The following MGAT4C variants were observed in gnomAD, a reference collection of about 807,000 sequenced individuals.
MGAT4C encodes MGAT4 family member C.
MGAT4C carries 19 observed loss-of-function variants against 40.1 expected under a neutral mutation model. The observed-to-expected ratio is 0.47, with a 90% confidence interval of 0.33 to 0.70. The LOEUF is 0.70. Ranked by LOEUF, MGAT4C falls within the 30% of genes least tolerant of loss-of-function variation. The pLI is 0.02. For synonymous variants in MGAT4C, 181 were observed against 187.1 expected, an observed-to-expected ratio of 0.97 and a Z score of 0.27; for missense variants, 491 against 563.2, an observed-to-expected ratio of 0.87 and a Z score of 1.30.
chr12:86,074,004 T>C (rs2137045600), intron 1 of MGAT4C, among the ~76,000 whole-genome samples: 1 of 152,034 alleles, frequency 6.6e-6, no homozygotes, highest in East Asian at 1.9e-4. Context: ...TCCCAGAATT[T>C]TCATGTGTCA....
chr12:86,651,999 C>G (rs1355291900), intron 2 of MGAT4C, among the ~76,000 whole-genome samples: 24 of 151,920 alleles, frequency 1.6e-4, no homozygotes. Flanking sequence ...GACACCAAAC[C>G]AGACCAGTCT....
intron 1 of MGAT4C, among the ~76,000 whole-genome samples, chr12:86,185,490 C>T (rs1888658778): frequency 1.3e-5 from 2 of 152,086 alleles, no homozygotes; most frequent in South Asian, 4.1e-4. Context: ...CTTTCAGGTT[C>T]TCTGTAGATA....
chr12:86,818,382 GCA>G (rs1952644415), intron 1 of MGAT4C, among the ~76,000 whole-genome samples: 2 of 151,232 alleles, frequency 1.3e-5, no homozygotes, highest in Non-Finnish European at 3.0e-5. Flanking sequence ...CCATTCTTTT[GCA>G]CAGATTAAAA....
Position 86,466,311 on chromosome 12 carries a change from G to A in MGAT4C, c.-228-31046C>T, listed in dbSNP as rs60418511. On this transcript the variant is annotated intron_variant, in intron 2 of 7. Transcript: ENST00000548651. The stretch of plus-strand genomic sequence containing the variant: ...CTAAGATGACCTTCAGTAGGTTTAT[G>A]GATAGCTATACTGTGGTACATCCAG... 3.3e-3 allele frequency among the ~76,000 whole-genome samples: 499 copies of A among 152,250 alleles called. 3 individuals are homozygous for A. Among genetic ancestry groups the A allele is most frequent in the African/African-American group, 0.012 (478 of 41,550 alleles).
At chr12:86,630,638 C>T (rs1335343373) in intron 2 of MGAT4C, among the ~76,000 whole-genome samples, 2 of 152,078 alleles carry the variant, frequency 1.3e-5, no homozygotes, top group African/African-American at 4.8e-5. Flanking sequence ...ATAAACAGAA[C>T]CAATGATAAA....
intron 1 of MGAT4C, among the ~76,000 whole-genome samples, chr12:86,242,850 T>C (rs1493419): frequency 0.86 from 130,521 of 152,064 alleles, 56,122 homozygotes; most frequent in East Asian, 0.95. Flanking sequence ...TGGGCTCTAA[T>C]GGCTCTTCAG....
chr12:86,584,555 TA>T (rs1417635433), intron 2 of MGAT4C, among the ~76,000 whole-genome samples: 1 of 151,196 alleles, frequency 6.6e-6, no homozygotes, highest in African/African-American at 2.4e-5. Context: ...TTCTTTTACC[TA>T]TTTTGTATTT....
At chr12:86,706,234 T>C (rs1338721465) in intron 2 of MGAT4C, among the ~76,000 whole-genome samples, 1 of 152,156 alleles carries the variant, frequency 6.6e-6, no homozygotes, top group Non-Finnish European at 1.5e-5. Context: ...ACTGGATAAA[T>C]TAAAATATGA....
At chr12:86,832,888 T>G (rs994358412) in intron 1 of MGAT4C, among the ~76,000 whole-genome samples, 2 of 151,694 alleles carry the variant, frequency 1.3e-5, no homozygotes, top group Non-Finnish European at 1.5e-5. Context: ...TGTTTAGTAA[T>G]AGTCTTTACT....
In MGAT4C at chr12:86,609,674, A is replaced by G. The variant is rs867878211; in HGVS notation, c.-229+117535T>C. ...CTGAAAACTCTGTTTACTTAAAGGA[A>G]TGTCCAAAGGAAATTACGAGTTGCG... On this transcript the variant is annotated intron_variant, in intron 2 of 7. Transcript: ENST00000548651. Among the ~76,000 whole-genome samples the G allele has an allele frequency of 3.3e-5, 5 of 152,188 alleles. No individual in the cohort carries two copies. The South Asian group carries it at 1.0e-3, about 32-fold the overall frequency.
intron 1 of MGAT4C, among the ~76,000 whole-genome samples, chr12:86,252,154 T>A (rs1390522228): frequency 1.3e-5 from 2 of 152,024 alleles, no homozygotes; most frequent in African/African-American, 4.8e-5. Flanking sequence ...AAAGGGCACA[T>A]TCGTTTGTCA....
At chr12:86,724,904 C>T (rs1451685177) in intron 2 of MGAT4C, among the ~76,000 whole-genome samples, 1 of 152,102 alleles carries the variant, frequency 6.6e-6, no homozygotes, top group Non-Finnish European at 1.5e-5. Context: ...GTGTTCTTAC[C>T]ACAAAAATGA....
rs1282869976 is a variant in MGAT4C at position 86,582,808 on chromosome 12, C to T, written c.-229+144401G>A. Reference sequence around the variant, plus strand: ...GGGACTTATGTCGACCAAGTGACTCCCAGACTGTATCCAGTAATGGCAATA... The same window carrying T: ...GGGACTTATGTCGACCAAGTGACTCTCAGACTGTATCCAGTAATGGCAATA... On this transcript the variant is annotated intron_variant, in intron 2 of 7. Coordinates refer to the MGAT4C transcript ENST00000548651. Among the ~76,000 whole-genome samples the T allele has an allele frequency of 3.3e-5, 5 of 151,090 alleles. No homozygotes were observed. The Admixed American group carries it at 3.3e-4, about 10-fold the overall frequency.
intron 3 of MGAT4C, among the ~76,000 whole-genome samples, chr12:86,386,874 A>T (rs1433254293): frequency 6.6e-6 from 1 of 152,210 alleles, no homozygotes; most frequent in Non-Finnish European, 1.5e-5. Context: ...GCACAAATAT[A>T]TTCATGCAAA....
At chr12:86,037,143 G>A (rs771862328) in intron 2 of MGAT4C, among the ~76,000 whole-genome samples, 11 of 149,558 alleles carry the variant, frequency 7.4e-5, no homozygotes, top group Admixed American at 2.7e-4. Flanking sequence ...ATATCCCCTC[G>A]ATCATTTTTT....
chr12:86,204,277 A>T (rs1169673519), intron 1 of MGAT4C, among the ~76,000 whole-genome samples: 2 of 152,044 alleles, frequency 1.3e-5, no homozygotes, highest in African/African-American at 2.4e-5. Context: ...AAAGAACAAC[A>T]AAAGGTTATA....
At chr12:85,995,367 G>A (rs890212220) in intron 2 of MGAT4C, among the ~76,000 whole-genome samples, 1 of 152,056 alleles carries the variant, frequency 6.6e-6, no homozygotes, top group Non-Finnish European at 1.5e-5. Context: ...TTCTGCAGAC[G>A]GCTCTTCAAA....
At chr12:86,167,353 G>A (rs1174747614) in intron 1 of MGAT4C, among the ~76,000 whole-genome samples, 1 of 152,164 alleles carries the variant, frequency 6.6e-6, no homozygotes, top group Non-Finnish European at 1.5e-5. Context: ...GAGAAGCACT[G>A]ATGTAGATGG....
intron 1 of MGAT4C, among the ~76,000 whole-genome samples, chr12:86,186,265 T>C (rs552786637): frequency 6.6e-6 from 1 of 152,130 alleles, no homozygotes; most frequent in Non-Finnish European, 1.5e-5. Context: ...GCAGGTATTA[T>C]AAACAATGAA....
Sources: gnomAD v4.1 joint callset for allele counts (sites outside exome capture counted in the v4.1 genomes callset) on GRCh38, gnomAD v4.1.1 for gene constraint, MANE v1.5 for transcripts, NCBI Gene and HGNC (gene_info 2026-07-23, HGNC 2026-07-21) for gene names.